Variants in CAMK2B observed in about 807,000 individuals in gnomAD.
CAMK2B encodes calcium/calmodulin-dependent protein kinase type II subunit beta.
CAMK2B carries 27 observed loss-of-function variants against 93.7 expected under a neutral mutation model. That is an observed-to-expected ratio of 0.29 (90% CI 0.21 to 0.40). CAMK2B has a LOEUF of 0.40. Among genes scored for constraint, CAMK2B ranks in the 10% least tolerant of loss-of-function variants. The pLI is 1.00. For synonymous variants in CAMK2B, 374 were observed against 358.8 expected (o/e 1.04, Z -0.48); for missense variants, 568 against 895.8 (o/e 0.63, Z 4.67).
At chr7:44,232,922 G>C in intron 15 of CAMK2B, 56 bp from the exon 16 acceptor site, 19 of 1,515,626 alleles carry the variant, frequency 1.3e-5, no homozygotes, top group Non-Finnish European at 1.6e-5. Flanking sequence ...AGAAGAGGAG[G>C]AAGCGGAGAC....
At chr7:44,269,969 A>T (rs1420229963) in intron 2 of CAMK2B, among the ~76,000 whole-genome samples, 8 of 152,078 alleles carry the variant, frequency 5.3e-5, no homozygotes, top group Admixed American at 5.2e-4. Flanking sequence ...CATCTGGAAG[A>T]TGGCTGTAAT....
At chr7:44,269,038 T>C (rs370546576) in intron 2 of CAMK2B, among the ~76,000 whole-genome samples, 2 of 152,170 alleles carry the variant, frequency 1.3e-5, no homozygotes, top group African/African-American at 4.8e-5. Context: ...ATGGGAGCTG[T>C]AGGGTCCCCT....
At chr7:44,245,698 A>G (rs1008181146) in intron 6 of CAMK2B, among the ~76,000 whole-genome samples, 30 of 151,704 alleles carry the variant, frequency 2.0e-4, no homozygotes, top group Non-Finnish European at 2.4e-4. Flanking sequence ...GAGAGGGAAC[A>G]GGGGGTACGG....
intron 1 of CAMK2B, among the ~76,000 whole-genome samples, chr7:44,305,006 T>C (rs913914672): frequency 6.6e-6 from 1 of 150,552 alleles, no homozygotes; most frequent in Non-Finnish European, 1.5e-5. Flanking sequence ...CAGAAAAGCA[T>C]GTATCACAAG....
chr7:44,220,332 A>G, intron 22 of CAMK2B, 38 bp from the exon 23 acceptor site: 9 of 1,500,998 alleles, frequency 6.0e-6, no homozygotes, highest in Non-Finnish European at 6.5e-6. Flanking sequence ...TCGGGTTACC[A>G]TGACTGCCCT....
rs2096752774 is a variant in CAMK2B at position 44,248,623 on chromosome 7, A to G, written c.342-1431T>C. Among the ~76,000 whole-genome samples, 1 of 152,216 alleles carries G rather than the reference A, an allele frequency of 6.6e-6. No individual in the cohort carries two copies. Among genetic ancestry groups the G allele is most frequent in the South Asian group, 2.1e-4 (1 of 4,834 alleles). On this transcript the variant is annotated intron_variant, in intron 5 of 23. Coordinates refer to ENST00000395749, the MANE Select transcript of CAMK2B (RefSeq NM_001220.5). This position sits in a 1 kb window ranked among gnomAD's most constrained non-coding sequence, Gnocchi z 4.1. Reference sequence around the variant, plus strand: ...TCCCAGCCAGATCCTTGGGGACAGGAGGGTGACCAGGGTCAGCAAGATGAG... The same window carrying G: ...TCCCAGCCAGATCCTTGGGGACAGGGGGGTGACCAGGGTCAGCAAGATGAG...
intron 5 of CAMK2B, among the ~76,000 whole-genome samples, chr7:44,250,846 G>GT (rs1158700891): frequency 4.6e-5 from 7 of 152,116 alleles, no homozygotes; most frequent in Non-Finnish European, 8.8e-5. Context: ...GCTTTTTAAG[G>GT]TTTTTTTAAA....
intron 11 of CAMK2B, 27 bp from the exon 12 acceptor site, chr7:44,240,776 G>T: frequency 6.2e-7 from 1 of 1,612,000 alleles, no homozygotes; most frequent in Non-Finnish European, 8.5e-7. Context: ...ATAAAACCGG[G>T]GCTATCCCAT....
chr7:44,325,268 A>T, intron 1 of CAMK2B, 89 bp downstream of exon 1: 1 of 692,180 alleles, frequency 1.4e-6, no homozygotes, highest in Non-Finnish European at 1.8e-6. Context: ...GCGGGCCCGC[A>T]GTGCGCCTGG....
At chr7:44,294,914 C>G (rs550832513) in intron 1 of CAMK2B, among the ~76,000 whole-genome samples, 2 of 152,286 alleles carry the variant, frequency 1.3e-5, no homozygotes, top group South Asian at 4.2e-4. Flanking sequence ...GATGGTGTAT[C>G]CTTCCCAGCA....
intron 1 of CAMK2B, among the ~76,000 whole-genome samples, chr7:44,315,172 T>G (rs1794567104): frequency 6.6e-6 from 1 of 152,230 alleles, no homozygotes; most frequent in Non-Finnish European, 1.5e-5. Flanking sequence ...GTTGCAAAGA[T>G]TTACTCTTAT....
chr7:44,325,439 TCGGCGTGCGCTCGGCTGCGCTCGGG>T lies in CAMK2B; in HGVS notation c.-43_-19del. 3 of 1,112,752 alleles carry T rather than the reference TCGGCGTGCGCTCGGCTGCGCTCGGG, an allele frequency of 2.7e-6. No individual in the cohort carries two copies. The highest frequency in any genetic ancestry group is 3.3e-6 in the Non-Finnish European group (3 of 897,236). The allele number at this position is 1,112,752 out of a possible 1,614,324, so 68.9% of individuals were successfully genotyped here. On this transcript the variant is annotated 5_prime_UTR_variant, in exon 1 of 24. Coordinates refer to ENST00000395749, the MANE Select transcript of CAMK2B (RefSeq NM_001220.5). Reference sequence around the variant, plus strand: ...GTGGCCATGGCGGCGGCGGACGGGCTCGGCGTGCGCTCGGCTGCGCTCGGGCGGCGGCGACTCCGGCTCCCGCTCG... The same window carrying T: ...GTGGCCATGGCGGCGGCGGACGGGCTCGGCGGCGACTCCGGCTCCCGCTCG...
Position 44,314,309 on chromosome 7 carries a change from G to A in CAMK2B, c.65+11048C>T, listed in dbSNP as rs547254765. On this transcript the variant is annotated intron_variant, in intron 1 of 23. Coordinates refer to ENST00000395749, the MANE Select transcript of CAMK2B (RefSeq NM_001220.5). ...GCCCATCCTCTTTCCATCCATTCTCGCTCCAGTTTTTGTCCTACAGGTTTG... is the reference window on the plus strand; with the variant it reads ...GCCCATCCTCTTTCCATCCATTCTCACTCCAGTTTTTGTCCTACAGGTTTG... Among the ~76,000 whole-genome samples the A allele has an allele frequency of 2.0e-4, 31 of 152,120 alleles. No individual in the cohort carries two copies. The South Asian group carries it at 3.5e-3, about 17-fold the overall frequency.
intron 2 of CAMK2B, among the ~76,000 whole-genome samples, chr7:44,281,476 C>T (rs1384554092): frequency 6.6e-6 from 1 of 152,172 alleles, no homozygotes; most frequent in African/African-American, 2.4e-5. Flanking sequence ...CGACTCCCAG[C>T]GGCACAGCTT....
intron 20 of CAMK2B, among the ~76,000 whole-genome samples, chr7:44,221,612 TCCACCTGCTTGCAGTCCGGGGC>T (rs2096408062): frequency 6.6e-6 from 1 of 152,200 alleles, no homozygotes; most frequent in South Asian, 2.1e-4. Context: ...TCCGGCTGGC[TCCACCTGCTTGCAGTCCGGGGC>T]CCACATGCTA....
chr7:44,315,224 G>T (rs1321645092), intron 1 of CAMK2B, among the ~76,000 whole-genome samples: 1 of 152,128 alleles, frequency 6.6e-6, no homozygotes, highest in Admixed American at 6.5e-5. Flanking sequence ...CCTACATTTA[G>T]ATCTATTATT....
chr7:44,269,365 A>G (rs1175039339), intron 2 of CAMK2B, among the ~76,000 whole-genome samples: 1 of 152,132 alleles, frequency 6.6e-6, no homozygotes, highest in East Asian at 1.9e-4. Context: ...CTTACAGGAC[A>G]AGTTAAGGTT....
intron 20 of CAMK2B, among the ~76,000 whole-genome samples, chr7:44,222,184 G>A (rs182919816): frequency 2.6e-5 from 4 of 152,324 alleles, no homozygotes; most frequent in Non-Finnish European, 5.9e-5. Context: ...ACCCCCAGAA[G>A]TGCACCGGAA....
At chr7:44,302,559 A>T (rs1790363574) in intron 1 of CAMK2B, among the ~76,000 whole-genome samples, 1 of 152,224 alleles carries the variant, frequency 6.6e-6, no homozygotes, top group South Asian at 2.1e-4. Context: ...ATATATCATG[A>T]TCATGCGGGA....
Sources: allele counts gnomAD v4.1 joint callset (sites outside exome capture counted in the v4.1 genomes callset), GRCh38; gene constraint gnomAD v4.1.1; non-coding constraint Gnocchi (gnomAD v3.1); transcripts MANE v1.5; gene names NCBI Gene and HGNC (gene_info 2026-07-23, HGNC 2026-07-21).